The following CASKIN1 variants were observed in gnomAD, a reference collection of about 807,000 sequenced individuals.
CASKIN1 encodes the protein caskin-1.
CASKIN1 carries 42 observed loss-of-function variants against 117.5 expected under a neutral mutation model. The observed-to-expected ratio is 0.36, with a 90% CI of 0.28 to 0.46. CASKIN1 has a LOEUF of 0.46. Ranked by LOEUF, CASKIN1 falls within the 20% of genes least tolerant of loss-of-function variation. The pLI, the probability that CASKIN1 is intolerant of heterozygous loss-of-function variation, is 1.00. For missense variants in CASKIN1, 2,083 were observed against 2,077.3 expected (o/e 1.00, Z -0.05); for synonymous variants, 1,148 against 961.7 (o/e 1.19, Z -3.59).
Position 2,179,267 on chromosome 16 carries a change from G to GGGC in CASKIN1, c.3831_3833dup (p.Pro1278dup), listed in dbSNP as rs763987478. On this transcript the variant is annotated inframe_insertion, in exon 19 of 20. Transcript: ENST00000343516. The surrounding 1 kb of genome is among the most constrained non-coding windows in gnomAD (Gnocchi z 5.8). The stretch of plus-strand genomic sequence containing the variant: ...CCGCCTTGACGGGCTTGGGCGCTGT[G>GGGC]GGCGGCGGCGGCGGCTTGGGAGACA... 7.4e-6 allele frequency: 9 copies of GGGC among 1,213,082 alleles called. No homozygotes were observed. The highest frequency in any genetic ancestry group is 4.3e-5 in the Admixed American group (1 of 23,038). The allele number at this position is 1,213,082 out of a possible 1,614,324, so 75.1% of individuals were successfully genotyped here.
At position 2,196,442 on chromosome 16, in the gene CASKIN1, G is replaced by A. The variant is rs563309232; in HGVS notation, c.-10C>T. On this transcript the variant is annotated 5_prime_UTR_variant, in exon 1 of 20. Transcript: ENST00000343516. This position sits in a 1 kb window ranked among gnomAD's most constrained non-coding sequence, Gnocchi z 5.7. ...CCTGCTCCTTCCCCATGGCGCGGCC[G>A]GGGCCGCAGCGACGCGGCTGCGCTC... The A allele has an allele frequency of 2.3e-5, 29 of 1,247,078 alleles. No individual in the cohort carries two copies. Among genetic ancestry groups the A allele is most frequent in the East Asian group, 1.4e-4 (3 of 21,986 alleles). The allele number at this position is 1,247,078 out of a possible 1,614,324, so 77.3% of individuals were successfully genotyped here.
rs1486452143 is a variant in CASKIN1, at chr16:2,179,084, G to A, written c.4017C>T (p.Pro1339=). The change falls in exon 19 of 20, where the codon CCC becomes CCT. Residue 1339 remains proline, a synonymous_variant. Transcript: ENST00000343516. The surrounding 1 kb of genome is among the most constrained non-coding windows in gnomAD (Gnocchi z 5.8). Reference sequence around the variant, plus strand: ...CGGCGGCGGCTCGCGGGGGCTTGGCGGGCACGTGCAGCGCGGGCGCGCCGG... The same window carrying A: ...CGGCGGCGGCTCGCGGGGGCTTGGCAGGCACGTGCAGCGCGGGCGCGCCGG... The part of the protein sequence containing the change: ...PSPGAPALHV[P]AKPPRAAAAA... 2 of 986,638 alleles carry A rather than the reference G, an allele frequency of 2.0e-6. No homozygotes were observed. The highest frequency in any genetic ancestry group is 2.2e-4 in the East Asian group (2 of 8,908). 61.1% of individuals were successfully genotyped at this position (986,638 alleles called of 1,614,324 possible). A position where few individuals can be genotyped will look rare whatever the true frequency, so the allele number is the denominator to read the frequency against.
chr16:2,186,644 C>T lies in CASKIN1; in HGVS notation c.1048+63G>A, dbSNP rs994768118. On this transcript the variant is annotated intron_variant, in intron 10 of 19. Transcript: ENST00000343516. Reference sequence around the variant, plus strand: ...TGGGCCCCCACACCCTCAGCACACTCGCTGCTTCCAGCCCCCAAGCCCAGG... The same window carrying T: ...TGGGCCCCCACACCCTCAGCACACTTGCTGCTTCCAGCCCCCAAGCCCAGG... 2.1e-5 allele frequency: 31 copies of T among 1,450,200 alleles called. No individual in the cohort carries two copies. In the East Asian group the frequency reaches 5.2e-4, roughly 25 times the overall value. 89.8% of individuals were successfully genotyped at this position (1,450,200 alleles called of 1,614,324 possible).
At chr16:2,187,098 A>C (rs1187961923) in intron 8 of CASKIN1, 26 bp from the exon 9 acceptor site, 5 of 1,613,086 alleles carry the variant, frequency 3.1e-6, no homozygotes, top group Non-Finnish European at 4.2e-6. Context: ...GGGGCCCCCG[A>C]AGTCCTGCGG....
intron 1 of CASKIN1, among the ~76,000 whole-genome samples, chr16:2,192,616 C>T (rs1304649270): frequency 2.0e-5 from 3 of 152,118 alleles, no homozygotes; most frequent in Non-Finnish European, 4.4e-5. Context: ...ACCCCACAGC[C>T]TCCCTCACAT....
rs201287309 is a variant in CASKIN1 at position 2,183,911 on chromosome 16, C to T, written c.1447G>A (p.Ala483Thr). 1.4e-4 allele frequency: 231 copies of T among 1,609,344 alleles called. No homozygotes were observed. The African/African-American group carries it at 2.5e-3, about 17-fold the overall frequency. The stretch of plus-strand genomic sequence containing the variant: ...GGGGCGTAGAGCTGCAGCTGGAACG[C>T]GGTGAGCCACTGGCTCACGGCCTCA... ...SSEAVSQWLT[A>T]FQLQLYAPNF... Residue 483 changes from alanine to threonine, a missense_variant, in exon 15 of 20, where the codon GCG (alanine) becomes ACG (threonine). Coordinates refer to ENST00000343516, the MANE Select transcript of CASKIN1 (RefSeq NM_020764.4).
chr16:2,179,449 C>CT lies in CASKIN1; in HGVS notation c.3776-125dup. Reference sequence around the variant, plus strand: ...GACCCTGCTCACCTTGCCCCCAGCCCTGGATGGATGAGAGGGTCTGGGGAC... The same window carrying CT: ...GACCCTGCTCACCTTGCCCCCAGCCCTTGGATGGATGAGAGGGTCTGGGGAC... On this transcript the variant is annotated intron_variant, in intron 18 of 19. Transcript: ENST00000343516. This position sits in a 1 kb window ranked among gnomAD's most constrained non-coding sequence, Gnocchi z 5.8. The CT allele has an allele frequency of 7.2e-7, 1 of 1,384,744 alleles. No individual in the cohort carries two copies. Among genetic ancestry groups the CT allele is most frequent in the Non-Finnish European group, 9.3e-7 (1 of 1,075,992 alleles). 85.8% of individuals were successfully genotyped at this position (1,384,744 alleles called of 1,614,324 possible). A position where few individuals can be genotyped will look rare whatever the true frequency, so the allele number is the denominator to read the frequency against.
intron 3 of CASKIN1, 136 bp downstream of exon 3, chr16:2,189,937 T>C (rs2093196446): frequency 3.4e-6 from 2 of 592,618 alleles, no homozygotes; most frequent in Admixed American, 2.8e-5. Flanking sequence ...TCCAGGACCC[T>C]GATCCCAGGA....
At chr16:2,190,207 GGCGCC>G (rs756403459) in intron 2 of CASKIN1, 37 bp from the exon 3 acceptor site, 1 of 1,608,414 alleles carries the variant, frequency 6.2e-7, no homozygotes, top group East Asian at 2.2e-5. Flanking sequence ...CAGAGGCCCT[GGCGCC>G]CCGGCCTTCC....
chr16:2,184,852 C>T lies in CASKIN1; in HGVS notation c.1341G>A (p.Gln447=), dbSNP rs1351189969. ...CCTGCCCGGCGTGGGCCACTGGAGG[C>T]TGGGACCGGGCCACACCTGAGGACG... The part of the protein sequence containing the change: ...PEGSAGVARS[Q]PPVAHAGQVY... Residue 447 remains glutamine (Q), a synonymous_variant, in exon 14 of 20, where the codon CAG becomes CAA. Coordinates refer to ENST00000343516, the MANE Select transcript of CASKIN1 (RefSeq NM_020764.4). The T allele has an allele frequency of 1.3e-6, 2 of 1,564,576 alleles. No individual in the cohort carries two copies. Among genetic ancestry groups the T allele is most frequent in the Admixed American group, 3.9e-5 (2 of 50,830 alleles).
rs2093170524 is a variant in CASKIN1 at position 2,182,246 on chromosome 16, C to T, written c.1630-317G>A. Among the ~76,000 whole-genome samples the T allele has an allele frequency of 6.6e-6, 1 of 152,156 alleles. No homozygotes were observed. Among genetic ancestry groups the T allele is most frequent in the Non-Finnish European group, 1.5e-5 (1 of 68,016 alleles). On this transcript the variant is annotated intron_variant, in intron 16 of 19. Transcript: ENST00000343516. The surrounding 1 kb of genome is among the most constrained non-coding windows in gnomAD (Gnocchi z 4.1). Reference sequence around the variant, plus strand: ...ACGAGTACAGCACCATGGGGAGACACACCCGAGTCATGGACACAGACGCAT... The same window carrying T: ...ACGAGTACAGCACCATGGGGAGACATACCCGAGTCATGGACACAGACGCAT...
intron 5 of CASKIN1, 24 bp from the exon 6 acceptor site, chr16:2,189,181 G>A: frequency 1.9e-6 from 3 of 1,612,624 alleles, no homozygotes; most frequent in South Asian, 1.1e-5. Context: ...TCAGGGTAGG[G>A]GGGTCCTGAT....
chr16:2,191,347 CTG>C (rs530623861), intron 1 of CASKIN1, among the ~76,000 whole-genome samples: 331 of 152,328 alleles, frequency 2.2e-3, no homozygotes, highest in Non-Finnish European at 3.8e-3. Context: ...GTCCCAGCCA[CTG>C]GACACAGGGT....
intron 14 of CASKIN1, among the ~76,000 whole-genome samples, chr16:2,184,156 T>C (rs925102677): frequency 1.1e-4 from 15 of 140,876 alleles, no homozygotes; most frequent in Middle Eastern, 7.0e-3. Flanking sequence ...CCTTCCGCCT[T>C]CTTCTGGGAT....
intron 6 of CASKIN1, 63 bp from the exon 7 acceptor site, chr16:2,187,524 A>C: frequency 1.5e-6 from 2 of 1,334,220 alleles, no homozygotes; most frequent in Non-Finnish European, 2.1e-6. Flanking sequence ...CAGCACCCCC[A>C]AGCCAGGCCT....
Position 2,196,208 on chromosome 16 carries a change from G to C in CASKIN1, c.94+131C>G, listed in dbSNP as rs1352224900. 1 of 262,816 alleles carries C rather than the reference G, an allele frequency of 3.8e-6. No individual in the cohort carries two copies. Among genetic ancestry groups the C allele is most frequent in the Non-Finnish European group, 6.9e-6 (1 of 144,740 alleles). 16.3% of individuals were successfully genotyped at this position (262,816 alleles called of 1,614,324 possible). ...GTGGAGGGCACGGACCAAGGGTCTG[G>C]GCGCTGCTGGCCCCGCCCCGCCCCC... On this transcript the variant is annotated intron_variant, in intron 1 of 19. Transcript: ENST00000343516. This position sits in a 1 kb window ranked among gnomAD's most constrained non-coding sequence, Gnocchi z 5.7.
rs27381 is a variant in CASKIN1, at chr16:2,189,401, C to T, written c.390+18G>A. On this transcript the variant is annotated intron_variant, in intron 4 of 19. Transcript: ENST00000343516. ...GCGCTGCCCCGCCCCCGCTGCCCCGCCCCCGCTCGGGCCTCACCACATCAT... is the reference window on the plus strand; with the variant it reads ...GCGCTGCCCCGCCCCCGCTGCCCCGTCCCCGCTCGGGCCTCACCACATCAT... 0.42 allele frequency: 668,041 copies of T among 1,609,138 alleles called. 145,236 individuals are homozygous for T. The highest frequency in any genetic ancestry group is 0.52 in the East Asian group (23,459 of 44,782).
At chr16:2,194,907 G>A (rs75753312) in intron 1 of CASKIN1, among the ~76,000 whole-genome samples, 3,169 of 152,302 alleles carry the variant, frequency 0.021, 119 homozygotes, top group African/African-American at 0.071. Context: ...AGCACTTACT[G>A]AATGCCTGGG....
In CASKIN1 at chr16:2,180,449, C is replaced by T; in HGVS notation, c.2919G>A (p.Glu973=). The T allele has an allele frequency of 6.4e-7, 1 of 1,559,986 alleles. No homozygotes were observed. The highest frequency in any genetic ancestry group is 2.4e-5 in the East Asian group (1 of 42,104). Residue 973 remains glutamate, a synonymous_variant, in exon 18 of 20, where the codon GAG becomes GAA. Transcript: ENST00000343516. Reference sequence around the variant, plus strand: ...GTGCCCGGACCCCCAGCAGGCCATCCTCAGGCTCGGCGTCAGGCACCGGCT... The same window carrying T: ...GTGCCCGGACCCCCAGCAGGCCATCTTCAGGCTCGGCGTCAGGCACCGGCT... ...ADEPVPDAEP[E]DGLLGVRAQC...
Sources: gnomAD v4.1 joint callset for allele counts (sites outside exome capture counted in the v4.1 genomes callset) on GRCh38, gnomAD v4.1.1 for gene constraint, Gnocchi (gnomAD v3.1) non-coding constraint, MANE v1.5 for transcripts, NCBI Gene and HGNC (gene_info 2026-07-23, HGNC 2026-07-21) for gene names.